The following TP53BP1 variants were observed in gnomAD, a reference collection of about 807,000 sequenced individuals.
The protein encoded by TP53BP1 is tumor protein p53 binding protein 1.
A neutral mutation model predicts 200.8 loss-of-function variants in TP53BP1; 61 were observed. The observed-to-expected ratio is 0.30, with a 90% CI of 0.25 to 0.38. TP53BP1 has a LOEUF of 0.38. Ranked by LOEUF, TP53BP1 falls within the 10% of genes least tolerant of loss-of-function variation. TP53BP1 has a pLI of 1.00. For synonymous variants in TP53BP1, 822 were observed against 844.3 expected (o/e 0.97, Z 0.46); for missense variants, 2,144 against 2,371.9 (o/e 0.90, Z 2.00).
intron 7 of TP53BP1, among the ~76,000 whole-genome samples, chr15:43,477,990 T>G (rs2078909084): frequency 6.6e-6 from 1 of 152,240 alleles, no homozygotes; most frequent in African/African-American, 2.4e-5. Flanking sequence ...TGTCTTCAAC[T>G]CTGCTCAATA....
At chr15:43,427,979 A>G (rs774741295) in intron 18 of TP53BP1, 37 bp downstream of exon 18, 5 of 1,440,856 alleles carry the variant, frequency 3.5e-6, no homozygotes, top group African/African-American at 1.5e-5. Flanking sequence ...AAAAAGAAAG[A>G]AAGAAATTTG....
chr15:43,493,285 G>A (rs2079155336), upstream of TP53BP1: 1 of 1,348,266 alleles, frequency 7.4e-7, no homozygotes, highest in Non-Finnish European at 9.8e-7. Context: ...AAGGAACACG[G>A]CGGCGCGTTT....
chr15:43,446,938 G>A, intron 13 of TP53BP1: 1 of 607,396 alleles, frequency 1.6e-6, no homozygotes, highest in South Asian at 1.5e-5. Context: ...ATAGGTTAAT[G>A]TAGAAGACTA....
At chr15:43,441,433 C>T (rs946018672) in intron 15 of TP53BP1, 93 bp downstream of exon 15, 3 of 843,828 alleles carry the variant, frequency 3.6e-6, no homozygotes, top group Non-Finnish European at 6.1e-6. Flanking sequence ...TTTTAACTTT[C>T]TCATTTTAAC....
In TP53BP1 at chr15:43,446,602, G is replaced by T. The variant is rs1450420779; in HGVS notation, c.2837-12C>A. 1 of 1,605,508 alleles carries T rather than the reference G, an allele frequency of 6.2e-7. No individual in the cohort carries two copies. The highest frequency in any genetic ancestry group is 2.2e-5 in the East Asian group (1 of 44,776). The stretch of plus-strand genomic sequence containing the variant: ...ATAGTTGCTAATACCTGAAAGAAGT[G>T]AGGCAGGGAGGAAGAAAAAAAGAAC... On this transcript the variant is annotated splice_polypyrimidine_tract_variant and intron_variant, in intron 13 of 27. Transcript: ENST00000382044.
chr15:43,470,647 T>C (rs1324741182), intron 10 of TP53BP1, among the ~76,000 whole-genome samples: 2 of 152,206 alleles, frequency 1.3e-5, no homozygotes, highest in East Asian at 1.9e-4. Flanking sequence ...ACACTAATCC[T>C]GACACACATT....
In TP53BP1 at chr15:43,404,693, T is replaced by C; in HGVS notation, c.*2690A>G. 1.2e-6 allele frequency: 1 copy of C among 826,520 alleles called. No individual in the cohort carries two copies. The highest frequency in any genetic ancestry group is 1.8e-6 in the Non-Finnish European group (1 of 544,916). The allele number at this position is 826,520 out of a possible 1,614,324, so 51.2% of individuals were successfully genotyped here. Reference sequence around the variant, plus strand: ...GCTTAGAGATAGAGGTGTGACCATCTTTAATAATTTTAATGGAGGTTATTT... The same window carrying C: ...GCTTAGAGATAGAGGTGTGACCATCCTTAATAATTTTAATGGAGGTTATTT... On this transcript the variant is annotated 3_prime_UTR_variant, in exon 28 of 28. Coordinates refer to ENST00000382044, the MANE Select transcript of TP53BP1 (RefSeq NM_001141980.3).
chr15:43,415,363 C>T, intron 23 of TP53BP1: 2 of 629,678 alleles, frequency 3.2e-6, no homozygotes, highest in Non-Finnish European at 5.8e-6. Flanking sequence ...CGCCCGCCAC[C>T]ACACTCAGCT....
upstream of TP53BP1, among the ~76,000 whole-genome samples, chr15:43,495,685 C>T (rs1291574196): frequency 6.8e-6 from 1 of 146,644 alleles, no homozygotes; most frequent in African/African-American, 2.5e-5. Flanking sequence ...GGTGCGCGGG[C>T]AGGCGCCTGT....
intron 12 of TP53BP1, among the ~76,000 whole-genome samples, chr15:43,447,794 C>T (rs1265508362): frequency 6.6e-6 from 1 of 152,148 alleles, no homozygotes. Flanking sequence ...GGAACACAAA[C>T]ATTTGATCTC....
intron 12 of TP53BP1, among the ~76,000 whole-genome samples, chr15:43,454,139 A>T (rs2046238034): frequency 6.6e-6 from 1 of 151,374 alleles, no homozygotes; most frequent in African/African-American, 2.4e-5. Flanking sequence ...CGGGAGGCAG[A>T]GGTTGCAGTG....
intron 1 of TP53BP1, among the ~76,000 whole-genome samples, chr15:43,503,048 C>G (rs547251889): frequency 6.6e-6 from 1 of 152,064 alleles, no homozygotes; most frequent in South Asian, 2.1e-4. Flanking sequence ...CCACCTTGCC[C>G]GGCCTATCTT....
rs772198000 is a variant in TP53BP1, at chr15:43,432,663, T to C, written c.3206A>G (p.His1069Arg). 1.2e-6 allele frequency: 2 copies of C among 1,602,764 alleles called. No homozygotes were observed. Among genetic ancestry groups the C allele is most frequent in the East Asian group, 2.2e-5 (1 of 44,640 alleles). The change falls in exon 17 of 28, where the codon CAC becomes CGC. Residue 1069 changes from histidine (H) to arginine (R), a missense_variant. His to Arg is a conservative substitution (Grantham distance 29, BLOSUM62 0). This residue lies in a region of TP53BP1 where 1,700 missense variants were observed against 1,710.3 expected (regional missense o/e 0.99). Coordinates refer to ENST00000382044, the MANE Select transcript of TP53BP1 (RefSeq NM_001141980.3). ...PTTPIRGNLL[H>R]FPSSQGEEEK... is the part of the protein sequence containing the mutation. Reference sequence around the variant, plus strand: ...CTCTTCTCCTTGAGAACTTGGAAAGTGGAGCAAGTTCCCCCTGAAAATGCA... The same window carrying C: ...CTCTTCTCCTTGAGAACTTGGAAAGCGGAGCAAGTTCCCCCTGAAAATGCA...
chr15:43,442,710 C>T lies in TP53BP1; in HGVS notation c.3041-1127G>A, dbSNP rs183141267. On this transcript the variant is annotated intron_variant, in intron 14 of 27. Transcript: ENST00000382044. ...ATGGGGTTTCACCATGTTGACCAGGCTGGTCTCAAACTTCCGACCTCAGGT... is the reference window on the plus strand; with the variant it reads ...ATGGGGTTTCACCATGTTGACCAGGTTGGTCTCAAACTTCCGACCTCAGGT... 9.9e-3 allele frequency among the ~76,000 whole-genome samples: 1,495 copies of T among 151,024 alleles called. 13 individuals are homozygous for T. The highest frequency in any genetic ancestry group is 0.022 in the South Asian group (106 of 4,792).
At chr15:43,508,368 A>C (rs1408151046) in intron 1 of TP53BP1, among the ~76,000 whole-genome samples, 1 of 152,118 alleles carries the variant, frequency 6.6e-6, no homozygotes, top group Non-Finnish European at 1.5e-5. Flanking sequence ...TCAAAAAAAA[A>C]ATTTCTGGGC....
In TP53BP1 at chr15:43,428,263, C is replaced by T. The variant is rs958713906; in HGVS notation, c.3676-95G>A. On this transcript the variant is annotated intron_variant, in intron 17 of 27. Coordinates refer to ENST00000382044, the MANE Select transcript of TP53BP1 (RefSeq NM_001141980.3). ...TCATGATGAGAACTGTTTAGAGGCT[C>T]CATGAATCTAGTGTGACAGAATCTT... The T allele has an allele frequency of 3.7e-6, 4 of 1,081,070 alleles. No individual in the cohort carries two copies. The African/African-American group carries it at 6.3e-5, about 17-fold the overall frequency. 67.0% of individuals were successfully genotyped at this position (1,081,070 alleles called of 1,614,324 possible).
intron 1 of TP53BP1, among the ~76,000 whole-genome samples, chr15:43,507,346 G>T (rs1215638218): frequency 6.6e-6 from 1 of 152,124 alleles, no homozygotes; most frequent in South Asian, 2.1e-4. Context: ...TGTTGGCCAG[G>T]CTGGTCTCGA....
At chr15:43,492,509 T>G (rs760801004) in intron 1 of TP53BP1, 41 bp from the exon 2 acceptor site, 1 of 1,560,408 alleles carries the variant, frequency 6.4e-7, no homozygotes. Context: ...TGTAACCTAC[T>G]AGCCTTGCTC....
In TP53BP1 at chr15:43,470,641, T is replaced by A. The variant is rs1595598219; in HGVS notation, c.1181-575A>T. 2.0e-5 allele frequency among the ~76,000 whole-genome samples: 3 copies of A among 152,158 alleles called. 1 individual carries two copies. The South Asian group carries it at 6.2e-4, about 31-fold the overall frequency. Reference sequence around the variant, plus strand: ...CAAAGAACTAAGAAAGAGAAGACACTAATCCTGACACACATTAGGAGGGAA... The same window carrying A: ...CAAAGAACTAAGAAAGAGAAGACACAAATCCTGACACACATTAGGAGGGAA... On this transcript the variant is annotated intron_variant, in intron 10 of 27. Transcript: ENST00000382044.
Sources: allele counts gnomAD v4.1 joint callset (sites outside exome capture counted in the v4.1 genomes callset), GRCh38; gene constraint gnomAD v4.1.1; regional missense constraint gnomAD v4.1.1; transcripts MANE v1.5; gene names NCBI Gene and HGNC (gene_info 2026-07-23, HGNC 2026-07-21).